SHTN1: variants seen among roughly 807,000 people sequenced by gnomAD.
SHTN1 encodes the protein shootin-1.
SHTN1 carries 42 observed loss-of-function variants against 83.1 expected under a neutral mutation model. That is an observed-to-expected ratio of 0.51 (90% CI 0.39 to 0.65). The LOEUF is 0.65. Ranked by LOEUF, SHTN1 falls within the 30% of genes least tolerant of loss-of-function variation. The pLI is 0.00. For synonymous variants in SHTN1, 224 were observed against 247.7 expected (o/e 0.90, Z 0.90); for missense variants, 622 against 737.8 (o/e 0.84, Z 1.82).
chr10:117,086,715 T>C (rs1480342499), intron 1 of SHTN1, among the ~76,000 whole-genome samples: 3 of 152,158 alleles, frequency 2.0e-5, no homozygotes, highest in South Asian at 2.1e-4. Flanking sequence ...AAGTTAAACA[T>C]AGAATTATCA....
intron 1 of SHTN1, among the ~76,000 whole-genome samples, chr10:117,094,637 A>G (rs940657600): frequency 2.0e-5 from 3 of 152,204 alleles, no homozygotes. Flanking sequence ...AGATAAGCGA[A>G]GTTTCATAAT....
intron 6 of SHTN1, among the ~76,000 whole-genome samples, chr10:116,949,562 G>A (rs1264246672): frequency 6.6e-6 from 1 of 152,152 alleles, no homozygotes; most frequent in South Asian, 2.1e-4. Flanking sequence ...TATACCTAAT[G>A]TAAATGACAA....
intron 9 of SHTN1, among the ~76,000 whole-genome samples, chr10:116,933,022 A>C (rs530881922): frequency 3.1e-4 from 47 of 152,124 alleles, no homozygotes; most frequent in Non-Finnish European, 6.3e-4. Flanking sequence ...TGAAAAGGTA[A>C]TTCCTACATA....
chr10:117,052,019 T>TATATATATATATATATATATATATATAC (rs1852750475), intron 1 of SHTN1, among the ~76,000 whole-genome samples: 1 of 137,166 alleles, frequency 7.3e-6, no homozygotes, highest in African/African-American at 2.6e-5. Context: ...TATATATATA[T>TATATATATATATATATATATATATATAC]ATAGAAAAGC....
At chr10:117,012,173 C>A (rs995868314) in intron 2 of SHTN1, among the ~76,000 whole-genome samples, 1 of 150,680 alleles carries the variant, frequency 6.6e-6, no homozygotes, top group Non-Finnish European at 1.5e-5. Context: ...GAAAAAAAAC[C>A]CTCAATATTG....
intron 3 of SHTN1, among the ~76,000 whole-genome samples, chr10:116,963,975 T>TTC (rs1554920675): frequency 1.3e-5 from 2 of 149,952 alleles, no homozygotes; most frequent in Admixed American, 1.3e-4. Flanking sequence ...GGGTAACTGT[T>TTC]TTTTTTTTTT....
intron 1 of SHTN1, among the ~76,000 whole-genome samples, chr10:117,097,030 G>GACACACACACACACATAGACACAC (rs1853512897): frequency 6.7e-6 from 1 of 148,950 alleles, no homozygotes; most frequent in African/African-American, 2.5e-5. Flanking sequence ...CACACACATA[G>GACACACACACACACATAGACACAC]ACACACACAC....
At chr10:117,024,080 G>C (rs112209383) in intron 2 of SHTN1, among the ~76,000 whole-genome samples, 1 of 22,132 alleles carries the variant, frequency 4.5e-5, no homozygotes, top group Non-Finnish European at 4.8e-4. Context: ...ATGAGGGCTG[G>C]TTATTGCTGT....
intron 1 of SHTN1, among the ~76,000 whole-genome samples, chr10:117,083,845 G>A (rs1440008579): frequency 2.0e-5 from 3 of 151,952 alleles, no homozygotes; most frequent in Non-Finnish European, 4.4e-5. Context: ...ATCGGCTCCT[G>A]AGGCTTCTGC....
At chr10:117,003,595 G>C (rs897818029) in intron 1 of SHTN1, among the ~76,000 whole-genome samples, 11 of 151,938 alleles carry the variant, frequency 7.2e-5, no homozygotes, top group Non-Finnish European at 1.3e-4. Flanking sequence ...GCAACAACAG[G>C]TAAGAGTACT....
intron 1 of SHTN1, among the ~76,000 whole-genome samples, chr10:117,121,223 T>TGTATAATCTC (rs1305615043): frequency 2.0e-5 from 3 of 152,262 alleles, no homozygotes; most frequent in African/African-American, 7.2e-5. Flanking sequence ...GGAGATTACA[T>TGTATAATCTC]GTATAATCTC....
chr10:117,105,462 C>G (rs1004056330), intron 1 of SHTN1, among the ~76,000 whole-genome samples: 2 of 152,120 alleles, frequency 1.3e-5, no homozygotes, highest in African/African-American at 4.8e-5. Flanking sequence ...GATGAAAGAA[C>G]TGAGGTCCAG....
intron 1 of SHTN1, among the ~76,000 whole-genome samples, chr10:116,995,323 C>A (rs919839011): frequency 1.4e-4 from 21 of 152,076 alleles, no homozygotes; most frequent in African/African-American, 4.6e-4. Flanking sequence ...CTCCAGAAAT[C>A]TAAAGGAGAA....
chr10:116,969,458 A>T (rs1209231712), intron 2 of SHTN1, among the ~76,000 whole-genome samples: 2 of 152,194 alleles, frequency 1.3e-5, no homozygotes, highest in Admixed American at 6.5e-5. Flanking sequence ...AGACTACTGC[A>T]TGAGGGCAAA....
rs1286414081 is a variant in SHTN1 at position 117,028,668 on chromosome 10, G to A, written c.-123+19777C>T. On this transcript the variant is annotated intron_variant, in intron 2 of 17. Transcript: ENST00000392901. The stretch of plus-strand genomic sequence containing the variant: ...ACAACCTGGGCCACTTCTTTAGAGG[G>A]CCACTGCTTTAGACGGTGGAAGCTG... Among the ~76,000 whole-genome samples the A allele has an allele frequency of 4.6e-5, 7 of 152,248 alleles. No homozygotes were observed. The South Asian group carries it at 1.4e-3, about 32-fold the overall frequency.
chr10:117,005,578 G>C (rs918941863), upstream of SHTN1: 38 of 995,808 alleles, frequency 3.8e-5, no homozygotes, highest in Non-Finnish European at 4.4e-5. Flanking sequence ...GGGACGCAAT[G>C]AGCCATGAAC....
intron 1 of SHTN1, among the ~76,000 whole-genome samples, chr10:117,119,772 A>C (rs1853897197): frequency 6.6e-6 from 1 of 152,144 alleles, no homozygotes; most frequent in Non-Finnish European, 1.5e-5. Context: ...TTTGGAAGCA[A>C]CCTAAGCGTC....
intron 14 of SHTN1, chr10:116,907,864 G>C: frequency 1.9e-6 from 1 of 517,434 alleles, no homozygotes; most frequent in South Asian, 1.4e-5. Context: ...CCTTTGTAAT[G>C]TTTGAACTCA....
At chr10:116,985,511 T>C (rs968424001) in intron 1 of SHTN1, among the ~76,000 whole-genome samples, 4 of 152,158 alleles carry the variant, frequency 2.6e-5, no homozygotes, top group Non-Finnish European at 4.4e-5. Flanking sequence ...GTCTGACATA[T>C]AGATTATTTG....
Sources: allele counts gnomAD v4.1 joint callset (sites outside exome capture counted in the v4.1 genomes callset), GRCh38; gene constraint gnomAD v4.1.1; transcripts MANE v1.5; gene names NCBI Gene and HGNC (gene_info 2026-07-23, HGNC 2026-07-21).